Variants in GPR158 observed in about 807,000 individuals in gnomAD.
GPR158 encodes the protein G protein-coupled receptor 158.
In GPR158, 30 loss-of-function variants were observed where a neutral mutation model predicts 78.2. The observed-to-expected ratio is 0.38, with a 90% CI of 0.29 to 0.52. The LOEUF (loss-of-function observed/expected upper bound fraction) is 0.52, where lower values mean the gene tolerates loss of function less well. Ranked by LOEUF, GPR158 falls within the 20% of genes least tolerant of loss-of-function variation. The probability of loss-of-function intolerance (pLI) is 0.83; values close to 1 mark genes in which losing one functional copy is unlikely to be tolerated. For missense variants in GPR158, 1,463 were observed against 1,523.5 expected (o/e 0.96, Z 0.66); for synonymous variants, 581 against 591.1 (o/e 0.98, Z 0.25).
At chr10:25,233,696 G>A in intron 2 of GPR158, among the ~76,000 whole-genome samples, 1 of 152,206 alleles carries the variant, frequency 6.6e-6, no homozygotes, top group South Asian at 2.1e-4. Flanking sequence ...CCTTTCAAGG[G>A]AGTCTATGAA....
chr10:25,397,579 C>T lies in GPR158; in HGVS notation c.1111+1566C>T, dbSNP rs542005597. 7.9e-5 allele frequency among the ~76,000 whole-genome samples: 12 copies of T among 152,248 alleles called. No individual in the cohort carries two copies. In the South Asian group the frequency reaches 2.3e-3, roughly 29 times the overall value. On this transcript the variant is annotated intron_variant, in intron 3 of 10. Transcript: ENST00000376351. ...GACATTTATAGATTTTTATACAGTT[C>T]TTTTTCTCTCTCTTAGAAGGCACTA...
chr10:25,270,119 A>G (rs904719921), intron 2 of GPR158, among the ~76,000 whole-genome samples: 1 of 152,184 alleles, frequency 6.6e-6, no homozygotes, highest in African/African-American at 2.4e-5. Context: ...AGAATCTTCA[A>G]CAAAGTATAA....
At chr10:25,368,525 C>G (rs1246025) in intron 2 of GPR158, among the ~76,000 whole-genome samples, 100,303 of 151,680 alleles carry the variant, frequency 0.66, 34,241 homozygotes, top group Non-Finnish European at 0.75. Context: ...CAAATCAAAA[C>G]CACAGTGAGA....
At chr10:25,217,555 G>A (rs1853234706) in intron 1 of GPR158, among the ~76,000 whole-genome samples, 2 of 152,224 alleles carry the variant, frequency 1.3e-5, no homozygotes, top group African/African-American at 4.8e-5. Flanking sequence ...GGACCCAAGA[G>A]TATGCTAGTA....
chr10:25,276,027 T>C (rs1201333176), intron 2 of GPR158, among the ~76,000 whole-genome samples: 1 of 152,194 alleles, frequency 6.6e-6, no homozygotes, highest in East Asian at 1.9e-4. Flanking sequence ...CCCAGGTCTG[T>C]TTCTATTTAT....
At chr10:25,471,456 T>A (rs1241307182) in intron 5 of GPR158, among the ~76,000 whole-genome samples, 5 of 152,146 alleles carry the variant, frequency 3.3e-5, no homozygotes, top group African/African-American at 9.7e-5. Context: ...ATGATTTATA[T>A]TCCTTTGGGT....
chr10:25,235,817 C>T (rs1853514788), intron 2 of GPR158, among the ~76,000 whole-genome samples: 1 of 151,708 alleles, frequency 6.6e-6, no homozygotes, highest in South Asian at 2.1e-4. Context: ...CTGCCTCAGC[C>T]TCCCAAGTAG....
At chr10:25,511,334 G>GTA (rs1482238547) in intron 5 of GPR158, among the ~76,000 whole-genome samples, 3 of 152,062 alleles carry the variant, frequency 2.0e-5, no homozygotes, top group African/African-American at 7.2e-5. Flanking sequence ...TTGGCCATTT[G>GTA]TATATCTTCT....
Position 25,527,998 on chromosome 10 carries a change from G to A in GPR158, c.1405-22978G>A, listed in dbSNP as rs80200629. ...TTACTAAAATTGACAGAAGAGATAG[G>A]AAATTTGAATACACATTTTCATATA... On this transcript the variant is annotated intron_variant, in intron 5 of 10. Transcript: ENST00000376351. Among the ~76,000 whole-genome samples, 298 of 152,006 alleles carry A rather than the reference G, an allele frequency of 2.0e-3. 16 individuals carry two copies. In the East Asian group the frequency reaches 0.048, roughly 25 times the overall value.
At chr10:25,379,876 G>C (rs1379059995) in intron 2 of GPR158, among the ~76,000 whole-genome samples, 1 of 117,338 alleles carries the variant, frequency 8.5e-6, no homozygotes, top group Non-Finnish European at 1.9e-5. Context: ...CAGAACACAG[G>C]ACTTTTATTT....
intron 5 of GPR158, 47 bp from the exon 6 acceptor site, chr10:25,550,929 G>A (rs777583673): frequency 1.1e-6 from 1 of 929,798 alleles, no homozygotes; most frequent in Non-Finnish European, 1.8e-6. Flanking sequence ...TTGGGTCTGT[G>A]GGTCATCAGT....
intron 2 of GPR158, among the ~76,000 whole-genome samples, chr10:25,222,417 C>G (rs1853311623): frequency 6.6e-6 from 1 of 151,240 alleles, no homozygotes; most frequent in Non-Finnish European, 1.5e-5. Flanking sequence ...TCAATACATT[C>G]CCACAGCCCC....
In GPR158 at chr10:25,598,478, C is replaced by T. The variant is rs1837444113; in HGVS notation, c.2852C>T (p.Thr951Ile). Residue 951 changes from threonine to isoleucine, a missense_variant, in exon 11 of 11, where the codon ACA becomes ATA. Coordinates refer to ENST00000376351, the MANE Select transcript of GPR158 (RefSeq NM_020752.3). ...AGAAATCACTCAAATTCTGATAACA[C>T]AGAGACTAAAGATCCTGCCCCCCAA... ...TNRNHSNSDN[T>I]ETKDPAPQNS... 1 of 1,614,012 alleles carries T rather than the reference C, an allele frequency of 6.2e-7. No homozygotes were observed. The highest frequency in any genetic ancestry group is 2.2e-5 in the East Asian group (1 of 44,864).
chr10:25,413,663 T>C (rs1410134922), intron 4 of GPR158, among the ~76,000 whole-genome samples: 1 of 152,156 alleles, frequency 6.6e-6, no homozygotes, highest in Non-Finnish European at 1.5e-5. Context: ...AAAAATACCC[T>C]CTGTGAATGG....
At chr10:25,178,040 C>G (rs1852563888) in intron 1 of GPR158, among the ~76,000 whole-genome samples, 1 of 152,170 alleles carries the variant, frequency 6.6e-6, no homozygotes, top group African/African-American at 2.4e-5. Context: ...TTAGGGAGCC[C>G]CAAGTCCCAG....
At chr10:25,246,263 T>C (rs932364470) in intron 2 of GPR158, among the ~76,000 whole-genome samples, 4 of 152,160 alleles carry the variant, frequency 2.6e-5, no homozygotes, top group African/African-American at 9.7e-5. Context: ...GCCACAGAAA[T>C]ATAAATATTA....
chr10:25,179,562 T>C (rs1852588318), intron 1 of GPR158, among the ~76,000 whole-genome samples: 1 of 152,170 alleles, frequency 6.6e-6, no homozygotes, highest in Admixed American at 6.5e-5. Flanking sequence ...TAAAAATATC[T>C]TCTTATATTG....
intron 4 of GPR158, among the ~76,000 whole-genome samples, chr10:25,422,597 A>G (rs564418471): frequency 1.4e-5 from 2 of 146,128 alleles, no homozygotes; most frequent in Admixed American, 1.4e-4. Flanking sequence ...TTCTCTTACT[A>G]TCATCTATTG....
intron 2 of GPR158, among the ~76,000 whole-genome samples, chr10:25,390,876 C>T (rs1306600375): frequency 1.3e-5 from 2 of 152,204 alleles, no homozygotes; most frequent in African/African-American, 2.4e-5. Context: ...CAGTCCCTCC[C>T]ATCACAGGCC....
Sources: gnomAD v4.1 joint callset for allele counts (sites outside exome capture counted in the v4.1 genomes callset) on GRCh38, gnomAD v4.1.1 for gene constraint, MANE v1.5 for transcripts, NCBI Gene and HGNC (gene_info 2026-07-23, HGNC 2026-07-21) for gene names.